Variants in PCDHGA6 observed in about 807,000 individuals in gnomAD.
PCDHGA6 encodes protocadherin gamma-A6.
A neutral mutation model predicts 60.6 loss-of-function variants in PCDHGA6; 41 were observed. The ratio of observed to expected loss-of-function variants is 0.68; its 90% confidence interval spans 0.53 to 0.88. The LOEUF is 0.88. Ranked by LOEUF, PCDHGA6 falls within the 40% of genes least tolerant of loss-of-function variation. The pLI is 0.00. For missense variants in PCDHGA6, 1,312 were observed against 1,203.0 expected, an observed-to-expected ratio of 1.09 and a Z score of -1.34; for synonymous variants, 594 against 524.4, an observed-to-expected ratio of 1.13 and a Z score of -1.81.
intron 1 of PCDHGA6, among the ~76,000 whole-genome samples, chr5:141,433,690 A>G (rs951380027): frequency 2.0e-5 from 3 of 152,088 alleles, no homozygotes; most frequent in African/African-American, 7.2e-5. Flanking sequence ...ATACAAAATT[A>G]GCCGGGCGTG....
chr5:141,455,159 G>GTT (rs1390145608), intron 1 of PCDHGA6, among the ~76,000 whole-genome samples: 4 of 144,860 alleles, frequency 2.8e-5, no homozygotes, highest in African/African-American at 7.8e-5. Context: ...TTAGTTTGTT[G>GTT]GTTTTTTTTT....
rs759346998 is a variant in PCDHGA6 at position 141,410,849 on chromosome 5, CTTTTT to C, written c.2424+34360_2424+34364del. On this transcript the variant is annotated intron_variant, in intron 1 of 3. Transcript: ENST00000517434. ...CAGACTGAAGATATTTTGTCTTTGT[CTTTTT>C]TTTTTTTTTTTTTTTTTGAGATGGA... 1.3e-3 allele frequency: 178 copies of C among 137,948 alleles called. 1 individual carries two copies. Among genetic ancestry groups the C allele is most frequent in the East Asian group, 2.3e-3 (10 of 4,422 alleles). 8.5% of individuals were successfully genotyped at this position (137,948 alleles called of 1,614,324 possible). A position where few individuals can be genotyped will look rare whatever the true frequency, so the allele number is the denominator to read the frequency against.
intron 1 of PCDHGA6, among the ~76,000 whole-genome samples, chr5:141,488,118 A>G (rs1054356891): frequency 2.7e-4 from 41 of 152,190 alleles, no homozygotes; most frequent in Non-Finnish European, 2.9e-5. Context: ...AAACATAGAG[A>G]CAGCAGAAAG....
At position 141,508,670 on chromosome 5, in the gene PCDHGA6, C is replaced by A. The variant is rs184838473; in HGVS notation, c.2573-2277C>A. The stretch of plus-strand genomic sequence containing the variant: ...GGCCCTTCCTGTCATTCTGTCTCTG[C>A]CTCCCTTCTCCCTGCTTCTCCGTGT... On this transcript the variant is annotated intron_variant, in intron 3 of 3. Coordinates refer to ENST00000517434, the MANE Select transcript of PCDHGA6 (RefSeq NM_018919.3). Among the ~76,000 whole-genome samples the A allele has an allele frequency of 3.7e-3, 564 of 152,202 alleles. 5 individuals are homozygous for A. The highest frequency in any genetic ancestry group is 0.011 in the Admixed American group (164 of 15,294).
intron 1 of PCDHGA6, chr5:141,414,096 A>G (rs2095708665): frequency 1.9e-6 from 3 of 1,595,210 alleles, no homozygotes; most frequent in Middle Eastern, 3.3e-4. Context: ...AAATAAAAAT[A>G]TCAGAAAATC....
intron 2 of PCDHGA6, among the ~76,000 whole-genome samples, chr5:141,502,428 A>C (rs2099814217): frequency 6.6e-6 from 1 of 151,978 alleles, no homozygotes; most frequent in South Asian, 2.1e-4. Flanking sequence ...CTATTCTCTG[A>C]TGGTTAGATT....
At position 141,455,301 on chromosome 5, in the gene PCDHGA6, T is replaced by G. The variant is rs192443408; in HGVS notation, c.2425-39506T>G. Among the ~76,000 whole-genome samples, 191 of 152,308 alleles carry G rather than the reference T, an allele frequency of 1.3e-3. 1 individual carries two copies. Among genetic ancestry groups the G allele is most frequent in the African/African-American group, 4.4e-3 (181 of 41,566 alleles). On this transcript the variant is annotated intron_variant, in intron 1 of 3. Transcript: ENST00000517434. ...AACATCACTTTACATAGTTTCATCT[T>G]GCATTAGCAATTTTGTGTGTGTGTT...
intron 1 of PCDHGA6, among the ~76,000 whole-genome samples, chr5:141,439,208 C>A: frequency 6.6e-6 from 1 of 151,294 alleles, no homozygotes. Flanking sequence ...AAAAAAAATC[C>A]ATATGTGAAA....
In PCDHGA6 at chr5:141,477,670, A is replaced by G; in HGVS notation, c.2425-17137A>G. 1 of 1,614,198 alleles carries G rather than the reference A, an allele frequency of 6.2e-7. No individual in the cohort carries two copies. The highest frequency in any genetic ancestry group is 1.7e-5 in the Admixed American group (1 of 60,028). ...TCACAATAAATCGTGACAATGGCAT[A>G]GTGTCATCCTTAGTGCCCCTAGACT... On this transcript the variant is annotated intron_variant, in intron 1 of 3. Coordinates refer to ENST00000517434, the MANE Select transcript of PCDHGA6 (RefSeq NM_018919.3). This position sits in a 1 kb window ranked among gnomAD's most constrained non-coding sequence, Gnocchi z 4.9.
At chr5:141,395,004 A>T (rs2093147678) in intron 1 of PCDHGA6, 3 of 1,614,010 alleles carry the variant, frequency 1.9e-6, no homozygotes, top group Non-Finnish European at 2.5e-6. Context: ...TTCCGGTGGC[A>T]GATTGGTAGG....
At chr5:141,459,319 T>G (rs1270005431) in intron 1 of PCDHGA6, among the ~76,000 whole-genome samples, 1 of 152,216 alleles carries the variant, frequency 6.6e-6, no homozygotes, top group Non-Finnish European at 1.5e-5. Context: ...TTTGTATCCA[T>G]CTTCTTTTAC....
At chr5:141,390,207 C>T in intron 1 of PCDHGA6, 1 of 1,614,028 alleles carries the variant, frequency 6.2e-7, no homozygotes, top group Non-Finnish European at 8.5e-7. Flanking sequence ...GAGTTCAGGA[C>T]AAGACATACT....
In PCDHGA6 at chr5:141,485,944, G is replaced by A; in HGVS notation, c.2425-8863G>A. 1.2e-6 allele frequency: 2 copies of A among 1,614,116 alleles called. No homozygotes were observed. The highest frequency in any genetic ancestry group is 1.7e-6 in the Non-Finnish European group (2 of 1,180,020). ...TTAGTGTGTTGGAGAGCGCACCAGC[G>A]GGCATGGTGCTCATCCAGCTCAATG... On this transcript the variant is annotated intron_variant, in intron 1 of 3. Coordinates refer to ENST00000517434, the MANE Select transcript of PCDHGA6 (RefSeq NM_018919.3). This position sits in a 1 kb window ranked among gnomAD's most constrained non-coding sequence, Gnocchi z 5.7.
chr5:141,382,825 G>C, intron 1 of PCDHGA6: 1 of 1,337,416 alleles, frequency 7.5e-7, no homozygotes, highest in Non-Finnish European at 1.0e-6. Flanking sequence ...CTAAGACAGA[G>C]GGGTCCACCC....
chr5:141,497,191 A>G (rs2099774633), intron 2 of PCDHGA6, among the ~76,000 whole-genome samples: 1 of 126,864 alleles, frequency 7.9e-6, no homozygotes, highest in Admixed American at 8.3e-5. Context: ...TGAGAGGCAG[A>G]GAACAATGTG....
intron 1 of PCDHGA6, chr5:141,421,203 G>A (rs779780797): frequency 2.6e-6 from 4 of 1,522,494 alleles, no homozygotes; most frequent in African/African-American, 1.4e-5. Context: ...TCGAGAAACC[G>A]CGGAATATCG....
At chr5:141,407,013 C>T (rs550387003) in intron 1 of PCDHGA6, among the ~76,000 whole-genome samples, 28 of 152,216 alleles carry the variant, frequency 1.8e-4, no homozygotes, top group Middle Eastern at 6.8e-3. Context: ...TTGAAGTTGA[C>T]TCAAAATTCT....
intron 1 of PCDHGA6, chr5:141,478,046 C>A (rs762982394): frequency 3.7e-6 from 6 of 1,614,172 alleles, no homozygotes; most frequent in Non-Finnish European, 5.1e-6. Flanking sequence ...CAGGCAGACT[C>A]TCACGGTCTT....
chr5:141,419,217 G>A (rs1407588828), intron 1 of PCDHGA6: 1 of 1,613,936 alleles, frequency 6.2e-7, no homozygotes, highest in Admixed American at 1.7e-5. Context: ...CCGGTTTTCG[G>A]ACAGTCAGCC....
Sources: gnomAD v4.1 joint callset for allele counts (sites outside exome capture counted in the v4.1 genomes callset) on GRCh38, gnomAD v4.1.1 for gene constraint, Gnocchi (gnomAD v3.1) non-coding constraint, MANE v1.5 for transcripts, NCBI Gene and HGNC (gene_info 2026-07-23, HGNC 2026-07-21) for gene names.